The following SLC18B1 variants were observed in gnomAD, a reference collection of about 807,000 sequenced individuals.
The protein encoded by SLC18B1 is solute carrier family 18 member B1.
SLC18B1 carries 62 observed loss-of-function variants against 53.9 expected under a neutral mutation model. That is an observed-to-expected ratio of 1.15 (90% CI 0.94 to 1.42). The LOEUF (loss-of-function observed/expected upper bound fraction) is 1.42. SLC18B1 is among the 40% of genes most tolerant of loss of function. The probability of loss-of-function intolerance (pLI) is 0.00; values close to 1 mark genes in which losing one functional copy is unlikely to be tolerated. For missense variants in SLC18B1, 598 were observed against 547.3 expected (o/e 1.09, Z -0.93); for synonymous variants, 217 against 200.9 (o/e 1.08, Z -0.68).
At chr6:132,773,565 T>C (rs1221883886) in intron 9 of SLC18B1, among the ~76,000 whole-genome samples, 1 of 152,234 alleles carries the variant, frequency 6.6e-6, no homozygotes, top group Admixed American at 6.5e-5. Context: ...CCAGATTTAA[T>C]CCTTGTAATG....
chr6:132,784,771 T>A (rs984141277), intron 5 of SLC18B1, among the ~76,000 whole-genome samples: 1 of 152,224 alleles, frequency 6.6e-6, no homozygotes, highest in African/African-American at 2.4e-5. Flanking sequence ...TACAAGCTTA[T>A]GTGCTATAGC....
Position 132,780,686 on chromosome 6 carries a change from C to T in SLC18B1, c.659-1282G>A, listed in dbSNP as rs567104238. Among the ~76,000 whole-genome samples, 667 of 150,906 alleles carry T rather than the reference C, an allele frequency of 4.4e-3. 6 individuals are homozygous for T. The highest frequency in any genetic ancestry group is 0.014 in the African/African-American group (578 of 40,964). The stretch of plus-strand genomic sequence containing the variant: ...AAGCGATTCTCCTGCCTCAGCCTCC[C>T]GAGTAGCTGGGATTACAGGCACACG... On this transcript the variant is annotated intron_variant, in intron 6 of 13. Coordinates refer to ENST00000275227, the MANE Select transcript of SLC18B1 (RefSeq NM_052831.3).
In SLC18B1 at chr6:132,770,175, T is replaced by C. The variant is rs903067438; in HGVS notation, c.*95A>G. 1.7e-5 allele frequency: 17 copies of C among 1,013,950 alleles called. No homozygotes were observed. The highest frequency in any genetic ancestry group is 6.1e-6 in the Non-Finnish European group (4 of 651,856). 62.8% of individuals were successfully genotyped at this position (1,013,950 alleles called of 1,614,324 possible). Reference sequence around the variant, plus strand: ...AGACACTGGCACGGGGTCCACGGAGTTTTGCGCGTAAAATTTTAAAAACCC... The same window carrying C: ...AGACACTGGCACGGGGTCCACGGAGCTTTGCGCGTAAAATTTTAAAAACCC... On this transcript the variant is annotated 3_prime_UTR_variant, in exon 14 of 14. Transcript: ENST00000275227.
chr6:132,790,038 G>A (rs1311632206), intron 3 of SLC18B1, 139 bp downstream of exon 3: 3 of 734,040 alleles, frequency 4.1e-6, no homozygotes, highest in Non-Finnish European at 6.7e-6. Context: ...TCTGAGGAGA[G>A]AACTGTCAAC....
chr6:132,777,460 T>C (rs919880588), intron 7 of SLC18B1, among the ~76,000 whole-genome samples: 6 of 152,202 alleles, frequency 3.9e-5, no homozygotes, highest in Non-Finnish European at 8.8e-5. Flanking sequence ...ACGCCTGTAA[T>C]CCCAGCACTT....
intron 5 of SLC18B1, among the ~76,000 whole-genome samples, chr6:132,785,530 C>T (rs1348686114): frequency 6.6e-6 from 1 of 152,158 alleles, no homozygotes; most frequent in Non-Finnish European, 1.5e-5. Context: ...TTCAAAACTT[C>T]ATAAAGAACA....
intron 4 of SLC18B1, among the ~76,000 whole-genome samples, chr6:132,788,269 A>G (rs1781435680): frequency 6.6e-6 from 1 of 151,238 alleles, no homozygotes; most frequent in African/African-American, 2.4e-5. Flanking sequence ...GACAATTCTC[A>G]AATGCCAAGC....
Position 132,798,559 on chromosome 6 carries a change from A to G in SLC18B1, c.-103T>C. The G allele has an allele frequency of 1.6e-6, 2 of 1,220,572 alleles. No individual in the cohort carries two copies. The highest frequency in any genetic ancestry group is 2.1e-6 in the Non-Finnish European group (2 of 933,930). 75.6% of individuals were successfully genotyped at this position (1,220,572 alleles called of 1,614,324 possible). On this transcript the variant is annotated 5_prime_UTR_variant, in exon 1 of 14. It removes the in-frame stop codon of an upstream open reading frame in the 5' UTR. Transcript: ENST00000275227. The stretch of plus-strand genomic sequence containing the variant: ...GCACTCTGGCGGGCGGCCGCTGCTC[A>G]GCTGGAACCTGGCATCCCCGACTCC...
At chr6:132,773,591 G>A (rs542475645) in intron 9 of SLC18B1, among the ~76,000 whole-genome samples, 10 of 152,276 alleles carry the variant, frequency 6.6e-5, no homozygotes, top group South Asian at 2.1e-4. Context: ...ACTATTATCA[G>A]CTCCTTTTTG....
chr6:132,772,852 A>C, intron 10 of SLC18B1, 141 bp downstream of exon 10: 1 of 602,010 alleles, frequency 1.7e-6, no homozygotes, highest in South Asian at 2.2e-5. Flanking sequence ...TTATATCATA[A>C]TATCATATGC....
chr6:132,779,158 T>G, intron 7 of SLC18B1, 110 bp downstream of exon 7: 1 of 1,319,212 alleles, frequency 7.6e-7, no homozygotes, highest in Non-Finnish European at 1.0e-6. Context: ...GTGCCCATTC[T>G]ACCTTCTTCT....
intron 5 of SLC18B1, among the ~76,000 whole-genome samples, chr6:132,785,111 C>T (rs969229377): frequency 6.8e-6 from 1 of 146,724 alleles, no homozygotes; most frequent in African/African-American, 2.6e-5. Context: ...TGCTCTCTCT[C>T]TCTCTCAGTG....
intron 2 of SLC18B1, among the ~76,000 whole-genome samples, chr6:132,795,693 A>G (rs1197380475): frequency 1.3e-5 from 2 of 152,118 alleles, no homozygotes; most frequent in Non-Finnish European, 2.9e-5. Context: ...TGTTGTCTAC[A>G]CTCCAAGCCA....
chr6:132,771,090 C>G lies in SLC18B1; in HGVS notation c.1200G>C (p.Glu400Asp), dbSNP rs1185282580. 1 of 1,614,112 alleles carries G rather than the reference C, an allele frequency of 6.2e-7. No homozygotes were observed. Residue 400 changes from glutamate to aspartate, a missense_variant, in exon 12 of 14, where the codon GAG (glutamate) becomes GAC (aspartate). Glu to Asp is a conservative substitution (Grantham distance 45). Coordinates refer to ENST00000275227, the MANE Select transcript of SLC18B1 (RefSeq NM_052831.3). ...CTGCTGCCCATTCAAAACCAATTTT[C>G]TCATACAGAAATCCACCCAGCGTTG... ...MGPTLGGFLY[E>D]KIGFEWAAAI... is the part of the protein sequence containing the mutation.
At chr6:132,784,283 G>A (rs1562267075) in intron 5 of SLC18B1, among the ~76,000 whole-genome samples, 194 bp from the exon 6 acceptor site, 1 of 151,988 alleles carries the variant, frequency 6.6e-6, no homozygotes. Context: ...TAAAAAAATT[G>A]TTATTGTAAG....
At chr6:132,781,819 T>G (rs1781245252) in intron 6 of SLC18B1, among the ~76,000 whole-genome samples, 2 of 150,532 alleles carry the variant, frequency 1.3e-5, no homozygotes, top group African/African-American at 4.9e-5. Context: ...GGTAATAAAA[T>G]CAAGTTTTGC....
At position 132,798,629 on chromosome 6, in the gene SLC18B1, C is replaced by T; in HGVS notation, c.-173G>A. On this transcript the variant is annotated 5_prime_UTR_variant, in exon 1 of 14. Coordinates refer to ENST00000275227, the MANE Select transcript of SLC18B1 (RefSeq NM_052831.3). ...CGGCCCGGAGCTCCCCAAAGCCTTC[C>T]AGGACTCTGGGTCCCCGGGAGGAGG... 8.6e-6 allele frequency: 5 copies of T among 584,474 alleles called. No homozygotes were observed. Among genetic ancestry groups the T allele is most frequent in the Non-Finnish European group, 1.3e-5 (5 of 388,256 alleles). The allele number at this position is 584,474 out of a possible 1,614,324, so 36.2% of individuals were successfully genotyped here.
At chr6:132,782,273 T>A (rs1781258640) in intron 6 of SLC18B1, among the ~76,000 whole-genome samples, 1 of 151,574 alleles carries the variant, frequency 6.6e-6, no homozygotes, top group Non-Finnish European at 1.5e-5. Flanking sequence ...AATTTTTTAT[T>A]TAAAAAATAA....
At chr6:132,775,145 C>T (rs1781068814) in intron 8 of SLC18B1, among the ~76,000 whole-genome samples, 1 of 152,110 alleles carries the variant, frequency 6.6e-6, no homozygotes. Flanking sequence ...ATACAAGAGG[C>T]CCCAAAGAGC....
Sources: allele counts gnomAD v4.1 joint callset (sites outside exome capture counted in the v4.1 genomes callset), GRCh38; gene constraint gnomAD v4.1.1; transcripts MANE v1.5; gene names NCBI Gene and HGNC (gene_info 2026-07-23, HGNC 2026-07-21).